The following KDM2A variants were observed in gnomAD, a reference collection of about 807,000 sequenced individuals.
KDM2A encodes lysine demethylase 2A, also known as lysine-specific demethylase 2A.
KDM2A carries 3 observed loss-of-function variants against 137.3 expected under a neutral mutation model. The ratio of observed to expected loss-of-function variants is 0.02; its 90% CI spans 0.01 to 0.06. The LOEUF (loss-of-function observed/expected upper bound fraction) is 0.06. Among genes scored for constraint, KDM2A ranks in the 10% least tolerant of loss-of-function variants. The pLI is 1.00. For missense variants in KDM2A, 738 were observed against 1,510.6 expected, an observed-to-expected ratio of 0.49 and a Z score of 8.48; for synonymous variants, 512 against 541.5, an observed-to-expected ratio of 0.95 and a Z score of 0.76.
At chr11:67,221,436 A>C (rs1858345658) in intron 10 of KDM2A, among the ~76,000 whole-genome samples, 2 of 152,220 alleles carry the variant, frequency 1.3e-5, no homozygotes, top group South Asian at 4.1e-4. Flanking sequence ...CAACTTTTAT[A>C]TGAATGGTCT....
chr11:67,121,029 G>A (rs1056345292), intron 1 of KDM2A, among the ~76,000 whole-genome samples: 1 of 151,994 alleles, frequency 6.6e-6, no homozygotes, highest in Non-Finnish European at 1.5e-5. Flanking sequence ...ATCTCGTTTC[G>A]TCTAGGCCTC....
chr11:67,210,237 A>G (rs1485302417), intron 6 of KDM2A, among the ~76,000 whole-genome samples: 1 of 151,372 alleles, frequency 6.6e-6, no homozygotes, highest in Non-Finnish European at 1.5e-5. Context: ...GGCGTCCCCC[A>G]TGTAGTCCCA....
chr11:67,231,566 A>G lies in KDM2A; in HGVS notation c.1085A>G (p.Asp362Gly). The G allele has an allele frequency of 6.3e-7, 1 of 1,590,494 alleles. No individual in the cohort carries two copies. Among genetic ancestry groups the G allele is most frequent in the Non-Finnish European group, 8.6e-7 (1 of 1,168,376 alleles). ...CTGCATTTTTTCTTCATATTGGTAG[A>G]TTTGGAGTTAAATGGGTTGGAGTCT... ...KEFQKESLSMDLELNGLESGN... is the reference protein window; with the variant it reads ...KEFQKESLSMGLELNGLESGN... Residue 362 changes from aspartate to glycine, a missense_variant and splice_region_variant, in exon 12 of 21, where the codon GAT (aspartate) becomes GGT (glycine). Around this residue, in one of 9 missense-constraint regions of KDM2A, gnomAD observed 113 missense variants for 133.5 expected, o/e 0.85. Transcript: ENST00000529006.
In KDM2A at chr11:67,246,047, A is replaced by G; in HGVS notation, c.1896A>G (p.Thr632=). The change falls in exon 15 of 21, where the codon ACA becomes ACG. Residue 632 remains threonine, a synonymous_variant. Transcript: ENST00000529006. Reference sequence around the variant, plus strand: ...GAGAGGTGGATCAGAATGAAGAGACACAAGACTTTGAGAAGAAACTCATGG... The same window carrying G: ...GAGAGGTGGATCAGAATGAAGAGACGCAAGACTTTGAGAAGAAACTCATGG... ...LCGEVDQNEE[T]QDFEKKLMEC... 1 of 1,614,028 alleles carries G rather than the reference A, an allele frequency of 6.2e-7. No homozygotes were observed. The highest frequency in any genetic ancestry group is 1.1e-5 in the South Asian group (1 of 91,090).
chr11:67,218,660 A>G (rs1437158034), intron 9 of KDM2A, among the ~76,000 whole-genome samples: 1 of 152,056 alleles, frequency 6.6e-6, no homozygotes, highest in African/African-American at 2.4e-5. Context: ...GCTGGAGTGC[A>G]GTAGCGTGAT....
intron 2 of KDM2A, among the ~76,000 whole-genome samples, chr11:67,158,246 T>C (rs962243563): frequency 1.3e-5 from 2 of 152,222 alleles, no homozygotes; most frequent in African/African-American, 4.8e-5. Flanking sequence ...CCATGTCTCT[T>C]TGTGGCTACA....
chr11:67,170,613 C>T (rs527439607), intron 2 of KDM2A, among the ~76,000 whole-genome samples: 6 of 151,848 alleles, frequency 4.0e-5, no homozygotes, highest in Non-Finnish European at 7.4e-5. Context: ...CGGGGTTTCA[C>T]CATGTTAGCC....
intron 2 of KDM2A, among the ~76,000 whole-genome samples, chr11:67,168,194 G>A (rs1403337591): frequency 6.6e-6 from 1 of 152,096 alleles, no homozygotes; most frequent in African/African-American, 2.4e-5. Context: ...AAAATTTGAA[G>A]AGATCACTGC....
chr11:67,194,074 C>G (rs1049154801), intron 5 of KDM2A, among the ~76,000 whole-genome samples: 2 of 152,178 alleles, frequency 1.3e-5, no homozygotes, highest in African/African-American at 2.4e-5. Flanking sequence ...TTGAGTGTTT[C>G]TACTTATATT....
At position 67,257,964 on chromosome 11, in the gene KDM2A, A is replaced by C. The variant is rs1392289599; in HGVS notation, c.*2909A>C. 1.3e-5 allele frequency: 2 copies of C among 152,264 alleles called. No individual in the cohort carries two copies. The highest frequency in any genetic ancestry group is 1.9e-4 in the East Asian group (1 of 5,206). 9.4% of individuals were successfully genotyped at this position (152,264 alleles called of 1,614,324 possible). A position where few individuals can be genotyped will look rare whatever the true frequency, so the allele number is the denominator to read the frequency against. ...GGGAATGGGTGATATTTGTGTAATAAAATTTTTAAAAGACAAAAAAAGAAA... is the reference window on the plus strand; with the variant it reads ...GGGAATGGGTGATATTTGTGTAATACAATTTTTAAAAGACAAAAAAAGAAA... On this transcript the variant is annotated 3_prime_UTR_variant, in exon 21 of 21. Transcript: ENST00000529006.
chr11:67,127,837 G>A (rs1424439549), intron 2 of KDM2A, among the ~76,000 whole-genome samples: 2 of 152,002 alleles, frequency 1.3e-5, no homozygotes, highest in African/African-American at 4.8e-5. Context: ...CCTCTGAGTA[G>A]CTGGGATTAC....
intron 2 of KDM2A, among the ~76,000 whole-genome samples, chr11:67,125,002 C>T (rs1270933137): frequency 2.6e-5 from 4 of 151,276 alleles, no homozygotes; most frequent in East Asian, 2.0e-4. Flanking sequence ...GGGCTACAGG[C>T]GCCCGCCGCC....
At chr11:67,207,447 T>G in intron 5 of KDM2A, 63 bp from the exon 6 acceptor site, 1 of 1,258,384 alleles carries the variant, frequency 7.9e-7, no homozygotes, top group Non-Finnish European at 1.1e-6. Context: ...TTAAAAAATA[T>G]TCTTACTATA....
chr11:67,157,660 G>T (rs971446096), intron 2 of KDM2A, among the ~76,000 whole-genome samples: 1 of 150,848 alleles, frequency 6.6e-6, no homozygotes, highest in African/African-American at 2.4e-5. Context: ...CACAAGGATC[G>T]CTGGAACTGG....
At chr11:67,162,811 TCAAA>T (rs567732278) in intron 2 of KDM2A, among the ~76,000 whole-genome samples, 36 of 152,228 alleles carry the variant, frequency 2.4e-4, no homozygotes, top group African/African-American at 8.2e-4. Flanking sequence ...ATTCCTGGGC[TCAAA>T]CAGTCTTTCC....
intron 5 of KDM2A, among the ~76,000 whole-genome samples, chr11:67,194,473 A>G (rs901833202): frequency 6.6e-6 from 1 of 152,224 alleles, no homozygotes; most frequent in Non-Finnish European, 1.5e-5. Context: ...TAGTCAGTTG[A>G]TCAGGAGTTA....
chr11:67,163,431 T>C (rs1856677273), intron 2 of KDM2A, among the ~76,000 whole-genome samples: 2 of 152,148 alleles, frequency 1.3e-5, no homozygotes, highest in African/African-American at 4.8e-5. Flanking sequence ...ATTCTATGAC[T>C]TGGAATGATA....
intron 5 of KDM2A, among the ~76,000 whole-genome samples, chr11:67,198,535 C>A (rs147050590): frequency 0.036 from 5,429 of 151,754 alleles, 126 homozygotes; most frequent in Non-Finnish European, 0.051. Flanking sequence ...ACGGTGAAAT[C>A]CCATCTCTAC....
chr11:67,201,218 A>ATGTGTG (rs61320277), intron 5 of KDM2A, among the ~76,000 whole-genome samples: 107,583 of 145,354 alleles, frequency 0.74, 42,758 homozygotes, highest in South Asian at 0.9. Flanking sequence ...ATATATATAT[A>ATGTGTG]TGTGTGTGTG....
Sources: gnomAD v4.1 joint callset for allele counts (sites outside exome capture counted in the v4.1 genomes callset) on GRCh38, gnomAD v4.1.1 for gene constraint, gnomAD v4.1.1 regional missense constraint, MANE v1.5 for transcripts, NCBI Gene and HGNC (gene_info 2026-07-23, HGNC 2026-07-21) for gene names.